Variants in FGF14 observed in about 807,000 individuals in gnomAD.
FGF14 encodes fibroblast growth factor 14.
A neutral mutation model predicts 25.5 loss-of-function variants in FGF14; 5 were observed. That is an observed-to-expected ratio of 0.20 (90% CI 0.10 to 0.41). The LOEUF is 0.41. FGF14 is among the 10% of genes least tolerant of loss of function. FGF14 has a pLI of 1.00. For missense variants in FGF14, 222 were observed against 320.1 expected (o/e 0.69, Z 2.34); for synonymous variants, 138 against 118.3 (o/e 1.17, Z -1.08).
chr13:102,368,839 T>C (rs2057792005), intron 1 of FGF14, among the ~76,000 whole-genome samples: 1 of 152,228 alleles, frequency 6.6e-6, no homozygotes, highest in Admixed American at 6.5e-5. Flanking sequence ...CTATGTAAGA[T>C]GTGTCCTGAC....
At chr13:102,138,796 G>A (rs543918947) in intron 1 of FGF14, among the ~76,000 whole-genome samples, 2 of 152,308 alleles carry the variant, frequency 1.3e-5, no homozygotes, top group South Asian at 4.1e-4. Flanking sequence ...AAGTTATTGT[G>A]CAACATGGGA....
At chr13:102,344,814 G>A (rs2057055295) in intron 1 of FGF14, among the ~76,000 whole-genome samples, 1 of 152,176 alleles carries the variant, frequency 6.6e-6, no homozygotes, top group African/African-American at 2.4e-5. Flanking sequence ...GGTGCAAAGA[G>A]CATTTTATAT....
At chr13:101,935,222 G>A (rs1293927120) in intron 1 of FGF14, among the ~76,000 whole-genome samples, 1 of 152,222 alleles carries the variant, frequency 6.6e-6, no homozygotes, top group Non-Finnish European at 1.5e-5. Flanking sequence ...TGTGAGAGCA[G>A]TATCCTCCTT....
At chr13:101,863,276 T>A (rs982081923) in intron 3 of FGF14, among the ~76,000 whole-genome samples, 2 of 152,134 alleles carry the variant, frequency 1.3e-5, no homozygotes, top group Non-Finnish European at 2.9e-5. Flanking sequence ...TAGATGAACT[T>A]GGTATAGCTT....
In FGF14 at chr13:102,380,714, A is replaced by G. The variant is rs150884599; in HGVS notation, c.208+20757T>C. On this transcript the variant is annotated intron_variant, in intron 1 of 4. Coordinates refer to the FGF14 transcript ENST00000376131. The stretch of plus-strand genomic sequence containing the variant: ...TTTAAATACAAGAAGTGTAATTTAC[A>G]TCTCACAGTGAATCCTGACTTTCAT... 8.5e-5 allele frequency among the ~76,000 whole-genome samples: 13 copies of G among 152,338 alleles called. No individual in the cohort carries two copies. In the East Asian group the frequency reaches 2.3e-3, roughly 27 times the overall value.
intron 1 of FGF14, among the ~76,000 whole-genome samples, chr13:102,294,856 C>T (rs2054616788): frequency 6.6e-6 from 1 of 152,180 alleles, no homozygotes; most frequent in Admixed American, 6.5e-5. Context: ...GTTTCCTGAT[C>T]TACCTCCTGA....
At chr13:101,929,734 TATAC>T (rs2034624085) in intron 1 of FGF14, among the ~76,000 whole-genome samples, 1 of 152,244 alleles carries the variant, frequency 6.6e-6, no homozygotes. Context: ...TCATTAAATA[TATAC>T]ATATATGCAC....
chr13:101,829,080 A>G (rs2042546623), intron 3 of FGF14, among the ~76,000 whole-genome samples: 1 of 152,106 alleles, frequency 6.6e-6, no homozygotes, highest in Admixed American at 6.6e-5. Flanking sequence ...GCTGGGAGAT[A>G]GATCTAATTG....
At chr13:101,849,265 T>G (rs2043623185) in intron 3 of FGF14, among the ~76,000 whole-genome samples, 2 of 152,082 alleles carry the variant, frequency 1.3e-5, no homozygotes, top group African/African-American at 2.4e-5. Flanking sequence ...TTCTGAGGAC[T>G]GGAAGGGACA....
intron 1 of FGF14, among the ~76,000 whole-genome samples, chr13:102,039,550 C>T (rs1394257845): frequency 6.6e-6 from 1 of 152,120 alleles, no homozygotes; most frequent in African/African-American, 2.4e-5. Flanking sequence ...TTGGCTCCTG[C>T]GGTGCTGACT....
intron 1 of FGF14, among the ~76,000 whole-genome samples, chr13:102,399,937 C>T (rs1414337810): frequency 1.3e-5 from 2 of 152,186 alleles, no homozygotes; most frequent in Admixed American, 1.3e-4. Context: ...ATCTTCTCCG[C>T]CCCAGCATAG....
At chr13:101,914,537 T>C (rs1209306984) in intron 1 of FGF14, among the ~76,000 whole-genome samples, 12 of 152,106 alleles carry the variant, frequency 7.9e-5, no homozygotes, top group Non-Finnish European at 1.8e-4. Flanking sequence ...AAATCAGGAA[T>C]ACCAACAGAG....
intron 1 of FGF14, among the ~76,000 whole-genome samples, chr13:102,249,771 G>C (rs1453745997): frequency 6.6e-6 from 1 of 152,124 alleles, no homozygotes; most frequent in East Asian, 1.9e-4. Flanking sequence ...CAACAGTCTT[G>C]GGAAACTCTT....
intron 1 of FGF14, among the ~76,000 whole-genome samples, chr13:102,327,898 A>G (rs1173275192): frequency 6.6e-6 from 1 of 151,568 alleles, no homozygotes; most frequent in Non-Finnish European, 1.5e-5. Flanking sequence ...ATTTCCAAAA[A>G]AAAATAAAAA....
intron 1 of FGF14, among the ~76,000 whole-genome samples, chr13:102,001,958 G>A (rs1244625371): frequency 6.6e-6 from 1 of 152,172 alleles, no homozygotes; most frequent in Non-Finnish European, 1.5e-5. Flanking sequence ...ACCATCCCTG[G>A]CTGGTGCTAC....
intron 1 of FGF14, among the ~76,000 whole-genome samples, chr13:101,995,772 G>A (rs1394721999): frequency 1.3e-5 from 2 of 152,172 alleles, no homozygotes; most frequent in African/African-American, 4.8e-5. Context: ...GCCTTGAAAT[G>A]TGAAAGGGAC....
chr13:102,034,125 A>G (rs61966511), intron 1 of FGF14, among the ~76,000 whole-genome samples: 4,910 of 152,182 alleles, frequency 0.032, 109 homozygotes, highest in African/African-American at 0.057. Flanking sequence ...TGTGGCAGCA[A>G]TACAAAAGGA....
chr13:102,296,969 T>C (rs1302921117), intron 1 of FGF14, among the ~76,000 whole-genome samples: 1 of 152,150 alleles, frequency 6.6e-6, no homozygotes, highest in Non-Finnish European at 1.5e-5. Context: ...ATCTTACCCA[T>C]GATCTACCTA....
intron 3 of FGF14, among the ~76,000 whole-genome samples, chr13:101,746,719 C>T (rs2036916417): frequency 6.6e-6 from 1 of 151,984 alleles, no homozygotes; most frequent in Admixed American, 6.6e-5. Context: ...CAGGAGTGTG[C>T]TTTACTCAAC....
Sources: allele counts gnomAD v4.1 joint callset (sites outside exome capture counted in the v4.1 genomes callset), GRCh38; gene constraint gnomAD v4.1.1; transcripts MANE v1.5; gene names NCBI Gene and HGNC (gene_info 2026-07-23, HGNC 2026-07-21).